The following CFHR1 variants were observed in gnomAD, a reference collection of about 807,000 sequenced individuals.
The protein encoded by CFHR1 is complement factor H-related protein 1.
A neutral mutation model predicts 30.4 loss-of-function variants in CFHR1; 22 were observed. The ratio of observed to expected loss-of-function variants is 0.72; its 90% CI spans 0.52 to 1.03. The LOEUF is 1.03. Ranked by LOEUF, CFHR1 falls within the 50% of genes least tolerant of loss-of-function variation. CFHR1 has a pLI of 0.00. For missense variants in CFHR1, 248 were observed against 380.6 expected, an observed-to-expected ratio of 0.65 and a Z score of 2.90; for synonymous variants, 95 against 129.1, an observed-to-expected ratio of 0.74 and a Z score of 1.79.
In CFHR1 at chr1:196,828,755, T is replaced by A. The variant is rs866639327; in HGVS notation, c.607+509T>A. Among the ~76,000 whole-genome samples, 4 of 131,194 alleles carry A rather than the reference T, an allele frequency of 3.0e-5. 1 individual carries two copies. Among genetic ancestry groups the A allele is most frequent in the Admixed American group, 2.2e-4 (3 of 13,598 alleles). The allele number at this position is 131,194 out of a possible 152,430, so 86.1% of individuals were successfully genotyped here. A position where few individuals can be genotyped will look rare whatever the true frequency, so the allele number is the denominator to read the frequency against. ...AGGGAAACCAGAAAAGGAAATTGTA[T>A]CTTACTTACCTTTATGTTTTAAAAT... On this transcript the variant is annotated intron_variant, in intron 4 of 5. Coordinates refer to ENST00000320493, the MANE Select transcript of CFHR1 (RefSeq NM_002113.3).
chr1:196,822,122 A>G, intron 1 of CFHR1, among the ~76,000 whole-genome samples: 1 of 131,392 alleles, frequency 7.6e-6, no homozygotes. Flanking sequence ...GTAAGTCATT[A>G]CATGAGTGGT....
chr1:196,822,440 G>T (rs1272920256), intron 1 of CFHR1, among the ~76,000 whole-genome samples: 1 of 104,716 alleles, frequency 9.5e-6, no homozygotes, highest in Non-Finnish European at 1.9e-5. Context: ...AAAAAACATT[G>T]TAGAGATGTA....
rs1376009483 is a variant in CFHR1, at chr1:196,831,917, A to G, written c.911A>G (p.Tyr304Cys). 74 of 1,525,568 alleles carry G rather than the reference A, an allele frequency of 4.9e-5. 12 individuals are homozygous for G. The highest frequency in any genetic ancestry group is 5.8e-5 in the Non-Finnish European group (66 of 1,129,350). The allele number at this position is 1,525,568 out of a possible 1,614,324, so 94.5% of individuals were successfully genotyped here. The change falls in exon 6 of 6, where the codon TAT becomes TGT. Residue 304 changes from tyrosine to cysteine, a missense_variant. Coordinates refer to ENST00000320493, the MANE Select transcript of CFHR1 (RefSeq NM_002113.3). Reference sequence around the variant, plus strand: ...GCTGAATTTGTGTGTAAACGGGGATATCGTCTTTCATCACGTTCTCACACA... The same window carrying G: ...GCTGAATTTGTGTGTAAACGGGGATGTCGTCTTTCATCACGTTCTCACACA... ...ESAEFVCKRG[Y>C]RLSSRSHTLR...
rs1256621917 is a variant in CFHR1, at chr1:196,830,923, T to A, written c.790+241T>A. Among the ~76,000 whole-genome samples the A allele has an allele frequency of 7.5e-5, 10 of 133,856 alleles. 3 individuals carry two copies. The highest frequency in any genetic ancestry group is 1.4e-4 in the Admixed American group (2 of 13,922). The allele number at this position is 133,856 out of a possible 152,430, so 87.8% of individuals were successfully genotyped here. A position where few individuals can be genotyped will look rare whatever the true frequency, so the allele number is the denominator to read the frequency against. On this transcript the variant is annotated intron_variant, in intron 5 of 5. Coordinates refer to ENST00000320493, the MANE Select transcript of CFHR1 (RefSeq NM_002113.3). ...CGGGCAGATCACGAGGTCAGGAGATTGAGACCATCCTGGCTAACATGGTGA... is the reference window on the plus strand; with the variant it reads ...CGGGCAGATCACGAGGTCAGGAGATAGAGACCATCCTGGCTAACATGGTGA...
intron 1 of CFHR1, among the ~76,000 whole-genome samples, chr1:196,824,150 C>T (rs1193032988): frequency 7.4e-6 from 1 of 134,320 alleles, no homozygotes; most frequent in East Asian, 2.0e-4. Flanking sequence ...AGGACGCTAC[C>T]CACCCCCAGC....
At chr1:196,831,289 C>A (rs1333684020) in intron 5 of CFHR1, among the ~76,000 whole-genome samples, 1 of 135,834 alleles carries the variant, frequency 7.4e-6, no homozygotes, top group East Asian at 2.0e-4. Flanking sequence ...GCACATTCTT[C>A]ATCACCTATG....
At chr1:196,820,532 T>A (rs1655079136) in intron 1 of CFHR1, among the ~76,000 whole-genome samples, 1 of 121,394 alleles carries the variant, frequency 8.2e-6, no homozygotes, top group African/African-American at 3.7e-5. Context: ...TTATAAACGG[T>A]CCCATTTTAT....
chr1:196,824,182 C>T (rs1445883009), intron 1 of CFHR1, among the ~76,000 whole-genome samples: 1 of 134,720 alleles, frequency 7.4e-6, no homozygotes, highest in Non-Finnish European at 1.6e-5. Context: ...TCCAAGGATA[C>T]TCAAGTGTCT....
At chr1:196,821,239 T>C (rs1655109469) in intron 1 of CFHR1, 1 of 133,724 alleles carries the variant, frequency 7.5e-6, no homozygotes, top group Non-Finnish European at 1.6e-5. Flanking sequence ...TCTGTGTTTA[T>C]GGTATTTATT....
intron 1 of CFHR1, chr1:196,821,275 T>C (rs1447669662): frequency 7.9e-6 from 1 of 126,436 alleles, no homozygotes; most frequent in Non-Finnish European, 1.6e-5. Context: ...CTATTACACA[T>C]GGCATTACAT....
At chr1:196,821,827 C>T (rs1452191388) in intron 1 of CFHR1, among the ~76,000 whole-genome samples, 4 of 102,768 alleles carry the variant, frequency 3.9e-5, no homozygotes, top group Non-Finnish European at 7.5e-5. Flanking sequence ...CGTCCTTAGG[C>T]GATTTCCTTC....
At chr1:196,831,439 G>C (rs576342502) in intron 5 of CFHR1, among the ~76,000 whole-genome samples, 2 of 134,578 alleles carry the variant, frequency 1.5e-5, no homozygotes, top group East Asian at 3.9e-4. Flanking sequence ...CTCTATGTTT[G>C]ATTCCAAGTT....
chr1:196,826,063 C>T (rs1409482197), intron 2 of CFHR1: 1 of 166,152 alleles, frequency 6.0e-6, no homozygotes, highest in Non-Finnish European at 1.2e-5. Flanking sequence ...TTAGCATTTT[C>T]ACTTTTATAT....
In CFHR1 at chr1:196,828,355, T is replaced by G. The variant is rs913774783; in HGVS notation, c.607+109T>G. The G allele has an allele frequency of 2.1e-5, 18 of 851,170 alleles. 2 individuals carry two copies. The highest frequency in any genetic ancestry group is 5.2e-5 in the African/African-American group (2 of 38,276). 52.7% of individuals were successfully genotyped at this position (851,170 alleles called of 1,614,324 possible). On this transcript the variant is annotated intron_variant, in intron 4 of 5. Coordinates refer to ENST00000320493, the MANE Select transcript of CFHR1 (RefSeq NM_002113.3). Reference sequence around the variant, plus strand: ...TATTAATAGATTTTTCAAATGCAAATAAAATGATTGATGGTGCTTAAAATT... The same window carrying G: ...TATTAATAGATTTTTCAAATGCAAAGAAAATGATTGATGGTGCTTAAAATT...
intron 5 of CFHR1, among the ~76,000 whole-genome samples, chr1:196,831,513 C>T (rs1452090682): frequency 1.5e-5 from 2 of 135,708 alleles, no homozygotes; most frequent in Admixed American, 1.4e-4. Context: ...ACAAAAGCAG[C>T]AATGATAAGT....
chr1:196,828,095 A>G lies in CFHR1; in HGVS notation c.456A>G (p.Thr152=), dbSNP rs780955857. The stretch of plus-strand genomic sequence containing the variant: ...ACACTTCCTGTGTGAATCCGCCCAC[A>G]GTACAAAATGCTCATATACTGTCGA... ...STDTSCVNPP[T]VQNAHILSRQ... Residue 152 remains threonine, a synonymous_variant, in exon 4 of 6, where the codon ACA becomes ACG. Transcript: ENST00000320493. 2 of 1,449,278 alleles carry G rather than the reference A, an allele frequency of 1.4e-6. No individual in the cohort carries two copies. The highest frequency in any genetic ancestry group is 1.9e-5 in the Admixed American group (1 of 54,040). The allele number at this position is 1,449,278 out of a possible 1,614,324, so 89.8% of individuals were successfully genotyped here.
At position 196,821,104 on chromosome 1, in the gene CFHR1, G is replaced by A. The variant is rs1487909938; in HGVS notation, c.58+1202G>A. The A allele has an allele frequency of 1.9e-4, 27 of 141,270 alleles. 3 individuals are homozygous for A. Among genetic ancestry groups the A allele is most frequent in the Admixed American group, 1.7e-3 (25 of 14,568 alleles). 8.8% of individuals were successfully genotyped at this position (141,270 alleles called of 1,614,324 possible). A position where few individuals can be genotyped will look rare whatever the true frequency, so the allele number is the denominator to read the frequency against. ...TCTGCCCGCCTCGGCCTCCCACAGT[G>A]TTGGGATTGCAGGCATAAGCCACCA... On this transcript the variant is annotated intron_variant, in intron 1 of 5. Coordinates refer to ENST00000320493, the MANE Select transcript of CFHR1 (RefSeq NM_002113.3).
At chr1:196,831,680 A>C in intron 5 of CFHR1, 117 bp from the exon 6 acceptor site, 1 of 1,306,318 alleles carries the variant, frequency 7.7e-7, no homozygotes. Flanking sequence ...GTCGGTTTGG[A>C]CAGTGTTTTG....
Position 196,828,432 on chromosome 1 carries a change from A to G in CFHR1, c.607+186A>G, listed in dbSNP as rs529163823. On this transcript the variant is annotated intron_variant, in intron 4 of 5. Coordinates refer to ENST00000320493, the MANE Select transcript of CFHR1 (RefSeq NM_002113.3). Reference sequence around the variant, plus strand: ...GTAATAGGGTGTATTATTTTTGAGAAAGATTCGACCAAATTAAAAGAGTTG... The same window carrying G: ...GTAATAGGGTGTATTATTTTTGAGAGAGATTCGACCAAATTAAAAGAGTTG... Among the ~76,000 whole-genome samples the G allele has an allele frequency of 3.7e-5, 5 of 134,486 alleles. 2 individuals carry two copies. The South Asian group carries it at 1.3e-3, about 34-fold the overall frequency. 88.2% of individuals were successfully genotyped at this position (134,486 alleles called of 152,430 possible).
Sources: gnomAD v4.1 joint callset for allele counts (sites outside exome capture counted in the v4.1 genomes callset) on GRCh38, gnomAD v4.1.1 for gene constraint, MANE v1.5 for transcripts, NCBI Gene and HGNC (gene_info 2026-07-23, HGNC 2026-07-21) for gene names.